TMEM131: variants seen among roughly 807,000 people sequenced by gnomAD.
TMEM131 encodes transmembrane protein 131, also known as 2610524E03Rik.
A neutral mutation model predicts 211.6 loss-of-function variants in TMEM131; 66 were observed. That is an observed-to-expected ratio of 0.31 (90% CI 0.26 to 0.38). TMEM131 has a LOEUF of 0.38. Ranked by LOEUF, TMEM131 falls within the 10% of genes least tolerant of loss-of-function variation. TMEM131 has a pLI of 1.00. For synonymous variants in TMEM131, 844 were observed against 841.3 expected (o/e 1.00, Z -0.06); for missense variants, 2,036 against 2,299.3 (o/e 0.89, Z 2.34).
chr2:97,849,737 T>C (rs796956106), intron 5 of TMEM131, among the ~76,000 whole-genome samples: 3,138 of 148,116 alleles, frequency 0.021, 45 homozygotes, highest in African/African-American at 0.076. Flanking sequence ...TTTTTTTTTT[T>C]TTTACTGTTT....
chr2:97,913,742 G>C (rs965254748), intron 2 of TMEM131, among the ~76,000 whole-genome samples: 3 of 152,170 alleles, frequency 2.0e-5, no homozygotes, highest in Non-Finnish European at 4.4e-5. Context: ...ACACGGCATG[G>C]ATGCTTAGAA....
chr2:97,784,886 A>T (rs967003887), intron 31 of TMEM131, among the ~76,000 whole-genome samples: 1 of 152,146 alleles, frequency 6.6e-6, no homozygotes, highest in African/African-American at 2.4e-5. Context: ...ATGAACAAAA[A>T]TAACTAAAAA....
chr2:97,991,708 G>A (rs1680274477), intron 1 of TMEM131, among the ~76,000 whole-genome samples: 1 of 152,204 alleles, frequency 6.6e-6, no homozygotes. Context: ...AAATTCAGCT[G>A]TAGGAAAAGG....
At chr2:97,813,922 T>C (rs1158298725) in intron 15 of TMEM131, 49 bp downstream of exon 15, 1 of 1,408,522 alleles carries the variant, frequency 7.1e-7, no homozygotes, top group African/African-American at 1.4e-5. Flanking sequence ...TCTGAAAACA[T>C]TAAAGGTGGG....
chr2:97,888,869 T>C (rs188143857), intron 3 of TMEM131, among the ~76,000 whole-genome samples: 71 of 152,286 alleles, frequency 4.7e-4, no homozygotes, highest in African/African-American at 1.7e-3. Context: ...AGTTTCAAAA[T>C]AGTAGATTTT....
At chr2:97,866,864 T>C (rs1674293047) in intron 4 of TMEM131, among the ~76,000 whole-genome samples, 1 of 152,228 alleles carries the variant, frequency 6.6e-6, no homozygotes, top group Admixed American at 6.5e-5. Flanking sequence ...CCTGAAATGC[T>C]TGGAACCATG....
chr2:97,946,192 T>C (rs551658849), intron 1 of TMEM131, among the ~76,000 whole-genome samples: 60 of 152,196 alleles, frequency 3.9e-4, no homozygotes, highest in African/African-American at 1.4e-3. Flanking sequence ...ATATAATCTA[T>C]AAGATCACAT....
intron 2 of TMEM131, among the ~76,000 whole-genome samples, chr2:97,915,745 A>G (rs1041123320): frequency 2.6e-5 from 4 of 152,118 alleles, no homozygotes; most frequent in African/African-American, 2.4e-5. Flanking sequence ...TGTAAGCTGA[A>G]GCTTTCCTCT....
intron 4 of TMEM131, among the ~76,000 whole-genome samples, chr2:97,877,910 T>A (rs957172801): frequency 2.6e-5 from 4 of 152,054 alleles, no homozygotes; most frequent in African/African-American, 9.7e-5. Context: ...ATCATCAGAG[T>A]GAACAGGCAG....
chr2:97,797,112 T>C (rs1680804747), intron 26 of TMEM131, 126 bp from the exon 27 acceptor site: 1 of 1,096,740 alleles, frequency 9.1e-7, no homozygotes, highest in Admixed American at 3.0e-5. Context: ...GAATTTATAC[T>C]TTAAGAATTC....
chr2:97,946,399 T>C (rs1157503893), intron 1 of TMEM131, among the ~76,000 whole-genome samples: 1 of 151,892 alleles, frequency 6.6e-6, no homozygotes, highest in Non-Finnish European at 1.5e-5. Context: ...CCAGGTATTG[T>C]GAACATAAGA....
chr2:97,939,200 C>G (rs1389613508), intron 1 of TMEM131, among the ~76,000 whole-genome samples: 4 of 151,776 alleles, frequency 2.6e-5, no homozygotes, highest in Non-Finnish European at 4.4e-5. Flanking sequence ...GAAGGAGATA[C>G]AGACAAAAAA....
At chr2:97,931,363 T>C (rs1328041006) in intron 1 of TMEM131, among the ~76,000 whole-genome samples, 2 of 149,034 alleles carry the variant, frequency 1.3e-5, no homozygotes, top group African/African-American at 2.6e-5. Flanking sequence ...ATAGGAACAC[T>C]TGCTTTCAAA....
chr2:97,900,448 A>G (rs1356226127), intron 3 of TMEM131, among the ~76,000 whole-genome samples: 1 of 151,920 alleles, frequency 6.6e-6, no homozygotes, highest in Non-Finnish European at 1.5e-5. Context: ...GGCTTATCAC[A>G]TTTAACATAA....
rs757639689 is a variant in TMEM131, at chr2:97,766,269, C to A, written c.4574-6G>T. The A allele has an allele frequency of 2.6e-5, 42 of 1,613,808 alleles. No individual in the cohort carries two copies. The highest frequency in any genetic ancestry group is 3.3e-5 in the Non-Finnish European group (39 of 1,179,810). On this transcript the variant is annotated splice_polypyrimidine_tract_variant and splice_region_variant and intron_variant, in intron 34 of 40. Coordinates refer to ENST00000186436, the MANE Select transcript of TMEM131 (RefSeq NM_015348.2). ...ATCCACTAACTTACTTGTACCTGCA[C>A]AAAAATCAGAAAAGAACATGGTTAA...
intron 1 of TMEM131, among the ~76,000 whole-genome samples, chr2:97,943,629 T>C (rs770822496): frequency 4.6e-5 from 7 of 152,208 alleles, no homozygotes; most frequent in Non-Finnish European, 1.0e-4. Context: ...CCTTGCTCTT[T>C]TGCAAATCGA....
chr2:97,932,827 A>G (rs571142924), intron 1 of TMEM131, among the ~76,000 whole-genome samples: 1 of 147,548 alleles, frequency 6.8e-6, no homozygotes, highest in Non-Finnish European at 1.5e-5. Context: ...GTCAGGACCT[A>G]TATGATAAAC....
Position 97,785,758 on chromosome 2 carries a change from CA to C in TMEM131, c.4144+6627del, listed in dbSNP as rs1382177707. 3.3e-5 allele frequency among the ~76,000 whole-genome samples: 5 copies of C among 152,250 alleles called. No homozygotes were observed. The South Asian group carries it at 1.0e-3, about 32-fold the overall frequency. ...TTATACATAACAGCCCCAAATTAGA[CA>C]TAATCCAAATGTTCTTCAATGAGCA... On this transcript the variant is annotated intron_variant, in intron 31 of 40. Coordinates refer to ENST00000186436, the MANE Select transcript of TMEM131 (RefSeq NM_015348.2).
At chr2:97,946,149 A>C (rs1253323957) in intron 1 of TMEM131, among the ~76,000 whole-genome samples, 15 of 151,988 alleles carry the variant, frequency 9.9e-5, no homozygotes, top group Non-Finnish European at 1.5e-5. Flanking sequence ...GAAATATGGT[A>C]TATCCATACA....
Sources: gnomAD v4.1 joint callset for allele counts (sites outside exome capture counted in the v4.1 genomes callset) on GRCh38, gnomAD v4.1.1 for gene constraint, MANE v1.5 for transcripts, NCBI Gene and HGNC (gene_info 2026-07-23, HGNC 2026-07-21) for gene names.